Variants in FAM171A1 observed in about 807,000 individuals in gnomAD.
FAM171A1 encodes the protein family with sequence similarity 171 member A1, also known as protein FAM171A1.
Under a neutral mutation model 74.9 loss-of-function variants are expected in FAM171A1, and 23 were observed. The ratio of observed to expected loss-of-function variants is 0.31; its 90% CI spans 0.22 to 0.44. FAM171A1 has a LOEUF of 0.44. FAM171A1 is among the 20% of genes least tolerant of loss of function. FAM171A1 has a pLI of 1.00. For synonymous variants in FAM171A1, 527 were observed against 505.7 expected, an observed-to-expected ratio of 1.04 and a Z score of -0.57; for missense variants, 1,162 against 1,159.2, an observed-to-expected ratio of 1.00 and a Z score of -0.03.
chr10:15,215,144 C>T (rs1833951650), intron 7 of FAM171A1, among the ~76,000 whole-genome samples: 1 of 152,100 alleles, frequency 6.6e-6, no homozygotes, highest in African/African-American at 2.4e-5. Context: ...AAATGTATGA[C>T]ATTCATTTTT....
At chr10:15,269,339 G>A (rs928675388) in intron 3 of FAM171A1, among the ~76,000 whole-genome samples, 1 of 151,748 alleles carries the variant, frequency 6.6e-6, no homozygotes, top group South Asian at 2.1e-4. Context: ...GGCTGATCTT[G>A]AATGCCTGGT....
chr10:15,280,119 A>T (rs1224902995), intron 2 of FAM171A1, among the ~76,000 whole-genome samples: 2 of 152,058 alleles, frequency 1.3e-5, no homozygotes, highest in Admixed American at 1.3e-4. Context: ...AAATTTGCCA[A>T]GAGAACAATG....
intron 2 of FAM171A1, among the ~76,000 whole-genome samples, chr10:15,278,231 T>C (rs973045139): frequency 3.9e-5 from 6 of 152,230 alleles, no homozygotes; most frequent in East Asian, 1.9e-4. Context: ...TCAAGAGTTA[T>C]GCATTGCAAG....
At chr10:15,266,488 A>G (rs1181833670) in intron 3 of FAM171A1, among the ~76,000 whole-genome samples, 3 of 152,010 alleles carry the variant, frequency 2.0e-5, no homozygotes, top group African/African-American at 7.2e-5. Flanking sequence ...GGGTTTCCAG[A>G]CAGATTGGCA....
Position 15,283,887 on chromosome 10 carries a change from G to T in FAM171A1, c.316C>A (p.Arg106=). Residue 106 remains arginine (R), a synonymous_variant, in exon 2 of 8, where the codon CGG becomes AGG. Transcript: ENST00000378116. ...ATGAGGAACGCCTTACCAGGTAACC[G>T]GATTGGCTTCCATGGGGCAGAGTTT... is the stretch of plus-strand genomic sequence containing the variant. ...VPNSAPWKPI[R]LPVFSSLSLG... is the part of the protein sequence containing the mutation. The T allele has an allele frequency of 6.2e-7, 1 of 1,614,110 alleles. No homozygotes were observed. The highest frequency in any genetic ancestry group is 1.7e-5 in the Admixed American group (1 of 60,018).
At chr10:15,284,417 C>CGTGTGT (rs10533763) in intron 1 of FAM171A1, among the ~76,000 whole-genome samples, 2 of 150,348 alleles carry the variant, frequency 1.3e-5, no homozygotes, top group Non-Finnish European at 1.5e-5. Flanking sequence ...TGCAATACTT[C>CGTGTGT]GTGTGTGTGT....
At chr10:15,308,956 GCAGC>G (rs1835328091) in intron 1 of FAM171A1, among the ~76,000 whole-genome samples, 1 of 152,208 alleles carries the variant, frequency 6.6e-6, no homozygotes, top group Non-Finnish European at 1.5e-5. Context: ...GTGAGCCACT[GCAGC>G]CGGCTGACAA....
intron 1 of FAM171A1, among the ~76,000 whole-genome samples, chr10:15,319,327 T>C (rs1257261536): frequency 2.6e-5 from 4 of 152,048 alleles, no homozygotes; most frequent in Non-Finnish European, 5.9e-5. Context: ...GGAGCTAAGC[T>C]ATGAGGACAC....
intron 3 of FAM171A1, among the ~76,000 whole-genome samples, 173 bp downstream of exon 3, chr10:15,275,682 T>C (rs2131799351): frequency 6.6e-6 from 1 of 152,272 alleles, no homozygotes. Context: ...AATGTCTCAC[T>C]ATAAAAAATG....
chr10:15,219,899 T>C (rs532195672), intron 6 of FAM171A1, among the ~76,000 whole-genome samples: 1 of 152,348 alleles, frequency 6.6e-6, no homozygotes, highest in African/African-American at 2.4e-5. Flanking sequence ...ACATTACTCT[T>C]AAAACAGATG....
intron 1 of FAM171A1, among the ~76,000 whole-genome samples, chr10:15,330,002 A>T (rs148434798): frequency 3.4e-3 from 517 of 152,318 alleles, no homozygotes; most frequent in African/African-American, 0.012. Context: ...ATAGTATGGC[A>T]CTGCAAATCA....
At chr10:15,363,437 A>T (rs914581099) in intron 1 of FAM171A1, among the ~76,000 whole-genome samples, 59 of 152,348 alleles carry the variant, frequency 3.9e-4, no homozygotes, top group African/African-American at 1.4e-3. Context: ...ATGAATGAAT[A>T]CTATGTCTAA....
chr10:15,283,508 C>T (rs1834996031), intron 2 of FAM171A1, among the ~76,000 whole-genome samples: 1 of 152,160 alleles, frequency 6.6e-6, no homozygotes, highest in South Asian at 2.1e-4. Context: ...GGGGGAGAGG[C>T]GTTTGCTCGT....
rs1226895381 is a variant in FAM171A1 at position 15,212,817 on chromosome 10, G to A, written c.*98C>T. ...AAACGTCCACGTCCGTCCCACGGCT[G>A]GGCTGCCGTTCCGTTTCCTCCACGA... is the stretch of plus-strand genomic sequence containing the variant. On this transcript the variant is annotated 3_prime_UTR_variant, in exon 8 of 8. Transcript: ENST00000378116. The A allele has an allele frequency of 1.3e-6, 2 of 1,481,742 alleles. No homozygotes were observed. The highest frequency in any genetic ancestry group is 2.8e-5 in the African/African-American group (2 of 71,320). The allele number at this position is 1,481,742 out of a possible 1,614,324, so 91.8% of individuals were successfully genotyped here. A position where few individuals can be genotyped will look rare whatever the true frequency, so the allele number is the denominator to read the frequency against.
intron 5 of FAM171A1, among the ~76,000 whole-genome samples, chr10:15,231,044 C>T (rs1174411924): frequency 6.6e-6 from 1 of 152,148 alleles, no homozygotes; most frequent in Admixed American, 6.6e-5. Flanking sequence ...GACAGCATAA[C>T]AGATAATTTG....
At chr10:15,242,509 G>A (rs866716982) in intron 5 of FAM171A1, among the ~76,000 whole-genome samples, 1 of 152,192 alleles carries the variant, frequency 6.6e-6, no homozygotes, top group Non-Finnish European at 1.5e-5. Context: ...CATTTCGGCC[G>A]GGCGCGTTGG....
intron 5 of FAM171A1, among the ~76,000 whole-genome samples, chr10:15,234,611 G>A: frequency 6.6e-6 from 1 of 151,952 alleles, no homozygotes; most frequent in African/African-American, 2.4e-5. Flanking sequence ...GTAGCCTAGC[G>A]ACCAGTCTGA....
chr10:15,339,174 C>CA (rs1218536153), intron 1 of FAM171A1, among the ~76,000 whole-genome samples: 8 of 152,096 alleles, frequency 5.3e-5, no homozygotes, highest in Admixed American at 2.0e-4. Flanking sequence ...TTTTGATTTA[C>CA]AAAAAAACTG....
intron 1 of FAM171A1, among the ~76,000 whole-genome samples, chr10:15,294,621 G>A (rs1032961118): frequency 6.6e-6 from 1 of 152,098 alleles, no homozygotes. Context: ...ATTTTAAGTA[G>A]TACAAAGAGC....
Sources: gnomAD v4.1 joint callset for allele counts (sites outside exome capture counted in the v4.1 genomes callset) on GRCh38, gnomAD v4.1.1 for gene constraint, MANE v1.5 for transcripts, NCBI Gene and HGNC (gene_info 2026-07-23, HGNC 2026-07-21) for gene names.